The following PRLR variants were observed in gnomAD, a reference collection of about 807,000 sequenced individuals.
PRLR encodes the protein prolactin receptor, also known as hPRL receptor.
In PRLR, 13 loss-of-function variants were observed where a neutral mutation model predicts 40.2. That is an observed-to-expected ratio of 0.32 (90% CI 0.21 to 0.51). The LOEUF is 0.51. Ranked by LOEUF, PRLR falls within the 20% of genes least tolerant of loss-of-function variation. The pLI is 0.97. For synonymous variants in PRLR, 269 were observed against 278.7 expected (o/e 0.97, Z 0.35); for missense variants, 656 against 747.3 (o/e 0.88, Z 1.42).
downstream of PRLR, among the ~76,000 whole-genome samples, chr5:35,055,274 G>A (rs1163382532): frequency 1.3e-5 from 2 of 151,886 alleles, no homozygotes; most frequent in African/African-American, 2.4e-5. Context: ...AAAGTTGATC[G>A]AATCTCAGGT....
intron 1 of PRLR, among the ~76,000 whole-genome samples, chr5:35,180,063 C>T (rs190551167): frequency 1.3e-5 from 2 of 152,272 alleles, no homozygotes; most frequent in African/African-American, 4.8e-5. Context: ...TGACCGATCA[C>T]CACGCATTAT....
At chr5:35,115,401 C>T (rs1256614528) in intron 2 of PRLR, among the ~76,000 whole-genome samples, 2 of 152,060 alleles carry the variant, frequency 1.3e-5, no homozygotes, top group African/African-American at 4.8e-5. Context: ...TTGAGTAATG[C>T]CACAATTTAG....
intron 1 of PRLR, among the ~76,000 whole-genome samples, chr5:35,140,951 T>C (rs1466599167): frequency 6.6e-6 from 1 of 152,200 alleles, no homozygotes; most frequent in African/African-American, 2.4e-5. Flanking sequence ...CTCCTACATC[T>C]AGGGGTGGCC....
chr5:35,206,130 T>C (rs553608442), intron 1 of PRLR, among the ~76,000 whole-genome samples: 1 of 151,212 alleles, frequency 6.6e-6, no homozygotes, highest in East Asian at 1.9e-4. Context: ...AGGAAAAGAG[T>C]GCTGGGTTAG....
In PRLR at chr5:35,064,865, T is replaced by C. The variant is rs1769252914; in HGVS notation, c.*224A>G. 8 of 564,018 alleles carry C rather than the reference T, an allele frequency of 1.4e-5. No homozygotes were observed. The highest frequency in any genetic ancestry group is 2.5e-5 in the Non-Finnish European group (8 of 325,472). 34.9% of individuals were successfully genotyped at this position (564,018 alleles called of 1,614,324 possible). ...TTATTTCATTGAACACATAGTTTTA[T>C]AACTAACAGCAAAAAGTAAATCTAC... On this transcript the variant is annotated 3_prime_UTR_variant, in exon 10 of 10. Coordinates refer to ENST00000618457, the MANE Select transcript of PRLR (RefSeq NM_000949.7).
intron 9 of PRLR, among the ~76,000 whole-genome samples, chr5:35,066,549 A>G (rs1388792114): frequency 1.3e-5 from 2 of 149,470 alleles, no homozygotes; most frequent in East Asian, 2.0e-4. Context: ...TCTGTGGTTC[A>G]TCTTCCTTCT....
chr5:35,156,151 AC>A (rs1304417921), intron 1 of PRLR, among the ~76,000 whole-genome samples: 3 of 151,526 alleles, frequency 2.0e-5, no homozygotes, highest in African/African-American at 4.9e-5. Context: ...AAAAAAAAAA[AC>A]AAAACCAACT....
intron 1 of PRLR, among the ~76,000 whole-genome samples, chr5:35,197,644 G>T (rs897510188): frequency 6.6e-6 from 1 of 152,202 alleles, no homozygotes; most frequent in Non-Finnish European, 1.5e-5. Flanking sequence ...CTAAGTTTGG[G>T]TGGAGGCTGA....
chr5:35,143,676 G>T (rs1043545366), intron 1 of PRLR, among the ~76,000 whole-genome samples: 1 of 152,090 alleles, frequency 6.6e-6, no homozygotes, highest in Admixed American at 6.6e-5. Flanking sequence ...GGTAGCAAAA[G>T]AAATATTTGT....
chr5:35,099,469 C>T (rs940460733), intron 2 of PRLR, among the ~76,000 whole-genome samples: 3 of 152,142 alleles, frequency 2.0e-5, no homozygotes, highest in African/African-American at 7.2e-5. Flanking sequence ...TTGATAATAA[C>T]TATGTTACTG....
chr5:35,219,802 A>T (rs1776371366), intron 1 of PRLR, among the ~76,000 whole-genome samples: 1 of 152,250 alleles, frequency 6.6e-6, no homozygotes, highest in Non-Finnish European at 1.5e-5. Flanking sequence ...TGCTTAAACA[A>T]GTTAAGGTTA....
At chr5:35,167,143 A>G (rs1238312006) in intron 1 of PRLR, among the ~76,000 whole-genome samples, 2 of 38,224 alleles carry the variant, frequency 5.2e-5, no homozygotes, top group Admixed American at 3.0e-4. Context: ...TCTATCATCT[A>G]TCTATCTATC....
downstream of PRLR, among the ~76,000 whole-genome samples, chr5:35,051,244 C>A (rs1768487668): frequency 6.6e-6 from 1 of 152,180 alleles, no homozygotes; most frequent in Non-Finnish European, 1.5e-5. Flanking sequence ...TAACTGCATA[C>A]CTGGCACAGT....
At chr5:35,219,363 T>C (rs182320975) in intron 1 of PRLR, among the ~76,000 whole-genome samples, 186 of 152,350 alleles carry the variant, frequency 1.2e-3, no homozygotes, top group Middle Eastern at 6.8e-3. Flanking sequence ...TAACCTCTTT[T>C]TTTGCCTCAG....
chr5:35,161,823 T>C (rs529036770), intron 1 of PRLR, among the ~76,000 whole-genome samples: 18 of 152,370 alleles, frequency 1.2e-4, no homozygotes, highest in Non-Finnish European at 1.8e-4. Flanking sequence ...CAGATACACG[T>C]TGGAAAATAA....
chr5:35,146,790 T>C (rs1270858068), intron 1 of PRLR, among the ~76,000 whole-genome samples: 1 of 152,202 alleles, frequency 6.6e-6, no homozygotes, highest in East Asian at 1.9e-4. Context: ...TCAGGTCAGT[T>C]TTCAGAAAAT....
chr5:35,161,203 T>C (rs1452901165), intron 1 of PRLR, among the ~76,000 whole-genome samples: 2 of 152,218 alleles, frequency 1.3e-5, no homozygotes, highest in Non-Finnish European at 2.9e-5. Flanking sequence ...AAAGAGCAAG[T>C]AGAGTTGTCA....
At chr5:35,074,455 T>A (rs1293173427) in intron 5 of PRLR, among the ~76,000 whole-genome samples, 1 of 147,672 alleles carries the variant, frequency 6.8e-6, no homozygotes, top group African/African-American at 2.6e-5. Context: ...AGAGCGAAAC[T>A]CCATTTCAAA....
At chr5:35,069,428 G>GC (rs1201879067) in intron 7 of PRLR, among the ~76,000 whole-genome samples, 10 of 152,202 alleles carry the variant, frequency 6.6e-5, no homozygotes, top group Non-Finnish European at 1.2e-4. Flanking sequence ...TTTCCAGCAT[G>GC]CCAAGCCAAT....
Sources: allele counts gnomAD v4.1 joint callset (sites outside exome capture counted in the v4.1 genomes callset), GRCh38; gene constraint gnomAD v4.1.1; transcripts MANE v1.5; gene names NCBI Gene and HGNC (gene_info 2026-07-23, HGNC 2026-07-21).